The following ABCB4 variants were observed in gnomAD, a reference collection of about 807,000 sequenced individuals.
ABCB4 encodes the protein ATP binding cassette subfamily B member 4.
In ABCB4, 76 loss-of-function variants were observed where a neutral mutation model predicts 145.7. That is an observed-to-expected ratio of 0.52 (90% CI 0.43 to 0.63). ABCB4 has a LOEUF of 0.63. ABCB4 is among the 30% of genes least tolerant of loss of function. The pLI is 0.00. For synonymous variants in ABCB4, 517 were observed against 566.8 expected, an observed-to-expected ratio of 0.91 and a Z score of 1.25; for missense variants, 1,234 against 1,553.1, an observed-to-expected ratio of 0.79 and a Z score of 3.45.
chr7:87,442,626 A>G (rs1811060727), intron 12 of ABCB4, among the ~76,000 whole-genome samples: 1 of 152,050 alleles, frequency 6.6e-6, no homozygotes, highest in African/African-American at 2.4e-5. Context: ...GGTATACATA[A>G]TACACACACA....
At chr7:87,401,026 A>T (rs1419069518), downstream of ABCB4, among the ~76,000 whole-genome samples, 2 of 152,196 alleles carry the variant, frequency 1.3e-5, no homozygotes, top group African/African-American at 4.8e-5. Flanking sequence ...TAGATGCCCC[A>T]TGATTCTGAT....
chr7:87,376,838 G>C, the ABCB4 span, among the ~76,000 whole-genome samples: 4 of 151,964 alleles, frequency 2.6e-5, no homozygotes, highest in African/African-American at 9.7e-5. Flanking sequence ...TTGTCTGTGA[G>C]GTACACTGAT....
At chr7:87,459,694 C>T (rs1812326480) in intron 4 of ABCB4, among the ~76,000 whole-genome samples, 1 of 152,138 alleles carries the variant, frequency 6.6e-6, no homozygotes, top group Non-Finnish European at 1.5e-5. Context: ...AAGCCACTCA[C>T]TTTCTCTCCC....
chr7:87,442,963 A>G (rs1396808077), intron 12 of ABCB4, among the ~76,000 whole-genome samples: 2 of 152,070 alleles, frequency 1.3e-5, no homozygotes, highest in Non-Finnish European at 2.9e-5. Flanking sequence ...GGTGACCCTA[A>G]TTGTCATCAA....
At chr7:87,474,233 A>G (rs1813632757) in intron 2 of ABCB4, among the ~76,000 whole-genome samples, 1 of 152,202 alleles carries the variant, frequency 6.6e-6, no homozygotes, top group Non-Finnish European at 1.5e-5. Context: ...TCTTCATGAA[A>G]ATGCCATCTA....
At chr7:87,445,153 G>T (rs1005518132) in intron 9 of ABCB4, among the ~76,000 whole-genome samples, 178 bp from the exon 10 acceptor site, 4 of 151,984 alleles carry the variant, frequency 2.6e-5, no homozygotes, top group Admixed American at 6.6e-5. Context: ...GCCTGAGTGG[G>T]TCTATTTTCT....
At chr7:87,473,135 G>T (rs45580537) in intron 2 of ABCB4, among the ~76,000 whole-genome samples, 7,334 of 152,252 alleles carry the variant, frequency 0.048, 258 homozygotes, top group Non-Finnish European at 0.067. Context: ...GCAGCCTCCT[G>T]CCTAGTCTCT....
At position 87,439,675 on chromosome 7, in the gene ABCB4, G is replaced by A. The variant is rs748044865; in HGVS notation, c.1723C>T (p.Leu575=). 21 of 1,613,996 alleles carry A rather than the reference G, an allele frequency of 1.3e-5. No individual in the cohort carries two copies. The Admixed American group carries it at 3.5e-4, about 27-fold the overall frequency. Residue 575 remains leucine, a synonymous_variant, in exon 14 of 28, where the codon CTG becomes TTG. Transcript: ENST00000649586. ...TESEAEVQAA[L]DKAREGRTTI... Reference sequence around the variant, plus strand: ...TTTTAGAGTCTACTGACCTTATCCAGAGCTGCCTGTACCTCAGCTTCACTT... The same window carrying A: ...TTTTAGAGTCTACTGACCTTATCCAAAGCTGCCTGTACCTCAGCTTCACTT...
At chr7:87,457,871 G>T (rs17149652) in intron 4 of ABCB4, among the ~76,000 whole-genome samples, 34,926 of 152,024 alleles carry the variant, frequency 0.23, 5,350 homozygotes, top group African/African-American at 0.44. Context: ...CTGCCTTCCC[G>T]GATTCTGCCC....
In ABCB4 at chr7:87,475,391, G is replaced by C; in HGVS notation, c.75C>G (p.Ile25Met). The part of the protein sequence containing the change: ...TSAEGDFELG[I>M]SSKQKRKKTK... ...AGTGGCTGCTGGGGATGTACCTGCT[G>C]ATGCCCAGTTCAAAGTCGCCCTCCG... The change falls in exon 2 of 28, where the codon ATC (isoleucine) becomes ATG (methionine). Residue 25 changes from isoleucine (I) to methionine (M), a missense_variant. Coordinates refer to ENST00000649586, the MANE Select transcript of ABCB4 (RefSeq NM_000443.4). 3 of 1,614,232 alleles carry C rather than the reference G, an allele frequency of 1.9e-6. No homozygotes were observed. Among genetic ancestry groups the C allele is most frequent in the Non-Finnish European group, 2.5e-6 (3 of 1,180,028 alleles).
intron 18 of ABCB4, among the ~76,000 whole-genome samples, chr7:87,421,740 T>C (rs111659974): frequency 3.9e-5 from 6 of 152,228 alleles, no homozygotes; most frequent in African/African-American, 1.4e-4. Context: ...TTTCAAATAG[T>C]TCATCAATTA....
chr7:87,371,812 G>T, the ABCB4 span, among the ~76,000 whole-genome samples: 1 of 151,972 alleles, frequency 6.6e-6, no homozygotes, highest in African/African-American at 2.4e-5. Context: ...GCAACATAGG[G>T]GGACCCTGTC....
rs1329665367 is a variant in ABCB4, at chr7:87,439,693, C to T, written c.1705G>A (p.Ala569Thr). The change falls in exon 14 of 28, where the codon GCT becomes ACT. Residue 569 changes from alanine to threonine, a missense_variant. Physicochemically the swap from Ala to Thr is moderately conservative, Grantham distance 58. Coordinates refer to ENST00000649586, the MANE Select transcript of ABCB4 (RefSeq NM_000443.4). ...ATSALDTESE[A>T]EVQAALDKAR... is the part of the protein sequence containing the mutation. Reference sequence around the variant, plus strand: ...TTATCCAGAGCTGCCTGTACCTCAGCTTCACTTTCTGTGTCCAATGCTGAC... The same window carrying T: ...TTATCCAGAGCTGCCTGTACCTCAGTTTCACTTTCTGTGTCCAATGCTGAC... 2 of 1,614,170 alleles carry T rather than the reference C, an allele frequency of 1.2e-6. No homozygotes were observed. The highest frequency in any genetic ancestry group is 8.5e-7 in the Non-Finnish European group (1 of 1,180,010).
chr7:87,445,648 T>C (rs1468615), intron 9 of ABCB4, among the ~76,000 whole-genome samples: 29,162 of 152,154 alleles, frequency 0.19, 2,854 homozygotes, highest in East Asian at 0.27. Context: ...TAAATTATTT[T>C]TTTCTCTCAG....
chr7:87,381,711 CT>C, the ABCB4 span, among the ~76,000 whole-genome samples: 2 of 152,114 alleles, frequency 1.3e-5, no homozygotes, highest in South Asian at 4.1e-4. Flanking sequence ...ATTTAAACAA[CT>C]TTTTTTCCAA....
the ABCB4 span, chr7:87,375,629 A>G: frequency 9.3e-6 from 15 of 1,608,160 alleles, no homozygotes; most frequent in East Asian, 4.5e-5. Context: ...CATCTTCCAT[A>G]AGACAACTGA....
intron 8 of ABCB4, among the ~76,000 whole-genome samples, chr7:87,448,432 T>A (rs1409959968): frequency 6.6e-6 from 1 of 152,206 alleles, no homozygotes; most frequent in Non-Finnish European, 1.5e-5. Flanking sequence ...TCAGGGTGCT[T>A]TCCTCTGGTT....
intron 15 of ABCB4, among the ~76,000 whole-genome samples, chr7:87,427,391 C>T (rs1285288114): frequency 1.3e-5 from 2 of 152,122 alleles, no homozygotes; most frequent in Admixed American, 6.6e-5. Context: ...GGTCATCTTC[C>T]TTCCTCACAG....
the ABCB4 span, among the ~76,000 whole-genome samples, chr7:87,394,041 A>G: frequency 6.6e-6 from 1 of 152,202 alleles, no homozygotes; most frequent in East Asian, 1.9e-4. Context: ...TACAAAGTTG[A>G]AATTTATCAA....
Sources: gnomAD v4.1 joint callset for allele counts (sites outside exome capture counted in the v4.1 genomes callset) on GRCh38, gnomAD v4.1.1 for gene constraint, MANE v1.5 for transcripts, NCBI Gene and HGNC (gene_info 2026-07-23, HGNC 2026-07-21) for gene names.